CASTOR2: variants seen among roughly 807,000 people sequenced by gnomAD.
CASTOR2 encodes the protein cytosolic arginine sensor for mTORC1 subunit 2, also known as GATS protein like 2.
Under a neutral mutation model 31.2 loss-of-function variants are expected in CASTOR2, and 8 were observed. The observed-to-expected ratio is 0.26, with a 90% CI of 0.15 to 0.46. The LOEUF is 0.46. Ranked by LOEUF, CASTOR2 falls within the 20% of genes least tolerant of loss-of-function variation. The probability of loss-of-function intolerance (pLI) is 0.99; values close to 1 mark genes in which losing one functional copy is unlikely to be tolerated. For synonymous variants in CASTOR2, 162 were observed against 158.7 expected, an observed-to-expected ratio of 1.02 and a Z score of -0.16; for missense variants, 216 against 382.1, an observed-to-expected ratio of 0.57 and a Z score of 3.62.
intron 5 of CASTOR2, 72 bp downstream of exon 5, chr7:75,019,167 G>A: frequency 6.4e-7 from 1 of 1,550,588 alleles, no homozygotes; most frequent in Non-Finnish European, 8.7e-7. Context: ...AGGAGTCTTA[G>A]TCTGACGGGG....
chr7:75,003,456 GAA>G (rs1349378965), intron 1 of CASTOR2, among the ~76,000 whole-genome samples: 1 of 106,298 alleles, frequency 9.4e-6, no homozygotes. Context: ...TCTCAAAAAA[GAA>G]AAAAAAAAAA....
At chr7:75,008,930 C>T (rs1349870896) in intron 2 of CASTOR2, among the ~76,000 whole-genome samples, 3 of 152,102 alleles carry the variant, frequency 2.0e-5, no homozygotes, top group Non-Finnish European at 4.4e-5. Context: ...CACTGCACTC[C>T]AGCCTGGGCA....
chr7:75,006,087 G>T (rs1584471144), intron 1 of CASTOR2, among the ~76,000 whole-genome samples: 1 of 152,196 alleles, frequency 6.6e-6, no homozygotes, highest in African/African-American at 2.4e-5. Context: ...CTGAGATCAT[G>T]CCACTGCACT....
At chr7:74,983,885 T>C (rs1364878888) in intron 1 of CASTOR2, among the ~76,000 whole-genome samples, 1 of 148,540 alleles carries the variant, frequency 6.7e-6, no homozygotes, top group Non-Finnish European at 1.5e-5. Context: ...GACTCAAGGG[T>C]TCCTCCCGCC....
Position 74,971,934 on chromosome 7 carries a change from T to C in CASTOR2, c.113+6836T>C, listed in dbSNP as rs1300217599. Among the ~76,000 whole-genome samples, 9 of 148,280 alleles carry C rather than the reference T, an allele frequency of 6.1e-5. No homozygotes were observed. The East Asian group carries it at 7.8e-4, about 13-fold the overall frequency. Reference sequence around the variant, plus strand: ...CCCCAACCCCTCTGGAACCTGAACCTACTCCCAGAGTCCCCTCTGTTTTTT... The same window carrying C: ...CCCCAACCCCTCTGGAACCTGAACCCACTCCCAGAGTCCCCTCTGTTTTTT... On this transcript the variant is annotated intron_variant, in intron 1 of 8. Coordinates refer to ENST00000616305, the MANE Select transcript of CASTOR2 (RefSeq NM_001145064.3).
At chr7:75,011,013 C>A (rs1391883913) in intron 2 of CASTOR2, among the ~76,000 whole-genome samples, 1 of 151,966 alleles carries the variant, frequency 6.6e-6, no homozygotes, top group East Asian at 1.9e-4. Context: ...CCACCATGCC[C>A]GGCTAATTTT....
chr7:74,994,233 C>T (rs1554437664), intron 1 of CASTOR2, among the ~76,000 whole-genome samples: 2 of 152,220 alleles, frequency 1.3e-5, no homozygotes, highest in Non-Finnish European at 2.9e-5. Flanking sequence ...AGGCCAAGGC[C>T]AGGGTTGGGT....
At chr7:75,024,367 T>G (rs1805074288) in intron 7 of CASTOR2, 73 bp from the exon 8 acceptor site, 15 of 1,438,780 alleles carry the variant, frequency 1.0e-5, no homozygotes, top group Non-Finnish European at 1.4e-5. Flanking sequence ...CCACAGAGGG[T>G]AGAGGCTGAA....
At chr7:74,995,773 G>A (rs1283857503) in intron 1 of CASTOR2, among the ~76,000 whole-genome samples, 25 of 150,888 alleles carry the variant, frequency 1.7e-4, no homozygotes, top group Admixed American at 1.1e-3. Flanking sequence ...ACGCCACTGC[G>A]CTCCAGCCTG....
At chr7:74,992,889 T>G (rs1554437518) in intron 1 of CASTOR2, among the ~76,000 whole-genome samples, 2 of 139,138 alleles carry the variant, frequency 1.4e-5, no homozygotes, top group Non-Finnish European at 3.1e-5. Context: ...GGGGAAAGAG[T>G]GGGACACTGT....
At chr7:75,009,262 CTTTTTTTT>C (rs1161937896) in intron 2 of CASTOR2, among the ~76,000 whole-genome samples, 3 of 60,304 alleles carry the variant, frequency 5.0e-5, no homozygotes, top group African/African-American at 1.4e-4. Context: ...GGCCTGAGAA[CTTTTTTTT>C]TTTTTTTTTT....
At chr7:74,983,956 A>G (rs1246456792) in intron 1 of CASTOR2, among the ~76,000 whole-genome samples, 2 of 150,890 alleles carry the variant, frequency 1.3e-5, no homozygotes, top group African/African-American at 4.9e-5. Context: ...AATTTTTACA[A>G]TATTTTGTAG....
At chr7:75,017,537 C>G in intron 2 of CASTOR2, 61 bp from the exon 3 acceptor site, 6 of 1,585,042 alleles carry the variant, frequency 3.8e-6, no homozygotes, top group Non-Finnish European at 3.4e-6. Context: ...CTGCCTTGCC[C>G]TGCCCTTGGG....
chr7:75,018,025 A>G lies in CASTOR2; in HGVS notation c.414A>G (p.Thr138=), dbSNP rs1189557679. Residue 138 remains threonine, a synonymous_variant, in exon 4 of 9, where the codon ACA becomes ACG. Transcript: ENST00000616305. ...GGGACCTGCCCTTTGTCACCCACAC[A>G]TTGTCATCAGAGTTCACCATCCTGC... ...RERDLPFVTH[T]LSSEFTILRV... 44 of 1,613,946 alleles carry G rather than the reference A, an allele frequency of 2.7e-5. No homozygotes were observed. Among genetic ancestry groups the G allele is most frequent in the Non-Finnish European group, 3.4e-5 (40 of 1,180,018 alleles).
intron 1 of CASTOR2, among the ~76,000 whole-genome samples, chr7:74,991,305 A>G (rs1292263934): frequency 1.3e-5 from 2 of 152,130 alleles, no homozygotes; most frequent in African/African-American, 4.8e-5. Context: ...TGCCCACGCT[A>G]GTCATCTCAC....
chr7:74,992,492 T>C (rs1195000444), intron 1 of CASTOR2, among the ~76,000 whole-genome samples: 8 of 151,968 alleles, frequency 5.3e-5, no homozygotes, highest in Non-Finnish European at 2.9e-5. Context: ...CAGGCTGGAG[T>C]GCAGTGGCAT....
At chr7:75,022,756 T>C (rs1805035432) in intron 7 of CASTOR2, among the ~76,000 whole-genome samples, 1 of 151,984 alleles carries the variant, frequency 6.6e-6, no homozygotes, top group Non-Finnish European at 1.5e-5. Context: ...CCAAGATCGC[T>C]CCATTGCACT....
intron 2 of CASTOR2, among the ~76,000 whole-genome samples, chr7:75,016,454 G>GC (rs1804865227): frequency 2.0e-5 from 3 of 152,160 alleles, no homozygotes; most frequent in Admixed American, 1.3e-4. Flanking sequence ...GACAGTCACT[G>GC]CCCCCCATGA....
rs960194896 is a variant in CASTOR2 at position 75,025,338 on chromosome 7, G to T, written c.*639G>T. On this transcript the variant is annotated 3_prime_UTR_variant, in exon 9 of 9. Transcript: ENST00000616305. ...CCTGCCAACCACAGGGCCTGGGCCC[G>T]ACTCCCAGCAAGACTGCCAAGAGGG... 6.6e-6 allele frequency among the ~76,000 whole-genome samples: 1 copy of T among 151,900 alleles called. No individual in the cohort carries two copies. Among genetic ancestry groups the T allele is most frequent in the African/African-American group, 2.4e-5 (1 of 41,354 alleles).
Sources: gnomAD v4.1 joint callset for allele counts (sites outside exome capture counted in the v4.1 genomes callset) on GRCh38, gnomAD v4.1.1 for gene constraint, MANE v1.5 for transcripts, NCBI Gene and HGNC (gene_info 2026-07-23, HGNC 2026-07-21) for gene names.